The following LDLRAP1 variants were observed in gnomAD, a reference collection of about 807,000 sequenced individuals.
The protein encoded by LDLRAP1 is low density lipoprotein receptor adapter protein 1.
LDLRAP1 carries 30 observed loss-of-function variants against 37.8 expected under a neutral mutation model. That is an observed-to-expected ratio of 0.79 (90% CI 0.59 to 1.08). The LOEUF (loss-of-function observed/expected upper bound fraction) is 1.08, where lower values mean the gene tolerates loss of function less well. LDLRAP1 is among the 50% of genes least tolerant of loss of function. LDLRAP1 has a pLI of 0.00. For synonymous variants in LDLRAP1, 156 were observed against 169.8 expected (o/e 0.92, Z 0.63); for missense variants, 375 against 401.6 (o/e 0.93, Z 0.57).
the LDLRAP1 span, among the ~76,000 whole-genome samples, chr1:25,574,171 T>A: frequency 2.0e-5 from 3 of 152,106 alleles, no homozygotes; most frequent in Non-Finnish European, 2.9e-5. Flanking sequence ...CAGTTTGGAA[T>A]GTGCCAAGGG....
chr1:25,578,765 A>G, the LDLRAP1 span, among the ~76,000 whole-genome samples: 1 of 152,038 alleles, frequency 6.6e-6, no homozygotes, highest in African/African-American at 2.4e-5. Flanking sequence ...CAATCCATCC[A>G]CCTTGGCCTC....
chr1:25,557,278 A>AG lies in LDLRAP1; in HGVS notation c.459+14dup. 1 of 989,126 alleles carries AG rather than the reference A, an allele frequency of 1.0e-6. No homozygotes were observed. Among genetic ancestry groups the AG allele is most frequent in the Non-Finnish European group, 1.5e-6 (1 of 654,826 alleles). 61.3% of individuals were successfully genotyped at this position (989,126 alleles called of 1,614,324 possible). ...ACCAAGCGGAAGATGGTCAGCGGGGAGGGCTGGGGCGGGGACAGGGTCCAG... is the reference window on the plus strand; with the variant it reads ...ACCAAGCGGAAGATGGTCAGCGGGGAGGGGCTGGGGCGGGGACAGGGTCCAG... On this transcript the variant is annotated intron_variant, in intron 4 of 8. Coordinates refer to ENST00000374338, the MANE Select transcript of LDLRAP1 (RefSeq NM_015627.3).
Position 25,554,995 on chromosome 1 carries a change from C to T in LDLRAP1, c.344+23C>T. ...CAGGTACGCTCAGCATGGGGTTGGC[C>T]CATCCACTCTGCCACTTGGGGCAGT... On this transcript the variant is annotated intron_variant, in intron 3 of 8. Transcript: ENST00000374338. This position sits in a 1 kb window ranked among gnomAD's most constrained non-coding sequence, Gnocchi z 5.4. The T allele has an allele frequency of 6.4e-7, 1 of 1,569,772 alleles. No individual in the cohort carries two copies. The highest frequency in any genetic ancestry group is 8.8e-7 in the Non-Finnish European group (1 of 1,140,236).
chr1:25,566,967 A>G lies in LDLRAP1; in HGVS notation c.902A>G (p.Glu301Gly). The change falls in exon 9 of 9, where the codon GAG becomes GGG. Residue 301 changes from glutamate (E) to glycine (G), a missense_variant. Coordinates refer to ENST00000374338, the MANE Select transcript of LDLRAP1 (RefSeq NM_015627.3). ...DWDKPDSSGTEQDDLFSF is the reference protein window; with the variant it reads ...DWDKPDSSGTGQDDLFSF ...GACAAGCCTGACAGCAGCGGCACAG[A>G]GCAGGATGACCTCTTCAGCTTCTGA... 1 of 1,613,512 alleles carries G rather than the reference A, an allele frequency of 6.2e-7. No homozygotes were observed. Among genetic ancestry groups the G allele is most frequent in the African/African-American group, 1.3e-5 (1 of 75,056 alleles).
At chr1:25,583,057 G>A in the LDLRAP1 span, among the ~76,000 whole-genome samples, 2 of 151,586 alleles carry the variant, frequency 1.3e-5, no homozygotes, top group Admixed American at 6.6e-5. Flanking sequence ...GGGGGACAGA[G>A]TGAGACTATC....
chr1:25,566,577 T>G (rs1209028245), intron 8 of LDLRAP1, among the ~76,000 whole-genome samples: 1 of 151,878 alleles, frequency 6.6e-6, no homozygotes, highest in Non-Finnish European at 1.5e-5. Flanking sequence ...TTCTCCTCTT[T>G]CCTGGGCATG....
chr1:25,551,789 A>G (rs74060917), intron 1 of LDLRAP1, among the ~76,000 whole-genome samples: 31,901 of 151,680 alleles, frequency 0.21, 8,067 homozygotes, highest in African/African-American at 0.61. Context: ...CAGGGATGAG[A>G]TCTAGGGCTG....
intron 1 of LDLRAP1, among the ~76,000 whole-genome samples, chr1:25,548,080 A>G (rs1003067082): frequency 6.6e-6 from 1 of 152,216 alleles, no homozygotes; most frequent in Non-Finnish European, 1.5e-5. Context: ...TATGGACTGA[A>G]GTCCCAGTGC....
At chr1:25,556,570 C>T (rs74060929) in intron 3 of LDLRAP1, among the ~76,000 whole-genome samples, 8,236 of 152,166 alleles carry the variant, frequency 0.054, 720 homozygotes, top group African/African-American at 0.19. Context: ...GGGCATGGAT[C>T]GGAGGGCAGG....
At chr1:25,550,337 T>C (rs2044044348) in intron 1 of LDLRAP1, among the ~76,000 whole-genome samples, 1 of 152,116 alleles carries the variant, frequency 6.6e-6, no homozygotes, top group African/African-American at 2.4e-5. Flanking sequence ...ACATGAAGCA[T>C]TGGAGCTGAT....
intron 4 of LDLRAP1, among the ~76,000 whole-genome samples, chr1:25,558,822 C>G (rs983354107): frequency 6.6e-6 from 1 of 152,178 alleles, no homozygotes; most frequent in African/African-American, 2.4e-5. Context: ...TCACGGGTCT[C>G]AGGGATTAGG....
chr1:25,557,436 G>T, intron 4 of LDLRAP1, 169 bp downstream of exon 4: 1 of 620,888 alleles, frequency 1.6e-6, no homozygotes, highest in South Asian at 1.9e-5. Flanking sequence ...GGGGTACAGT[G>T]GTGGGGCTGC....
At chr1:25,584,329 C>G in the LDLRAP1 span, among the ~76,000 whole-genome samples, 1 of 152,098 alleles carries the variant, frequency 6.6e-6, no homozygotes, top group African/African-American at 2.4e-5. Flanking sequence ...TTGGTTGGGT[C>G]CCAAAAGATG....
At chr1:25,550,362 G>T (rs911016102) in intron 1 of LDLRAP1, among the ~76,000 whole-genome samples, 2 of 152,194 alleles carry the variant, frequency 1.3e-5, no homozygotes, top group African/African-American at 4.8e-5. Flanking sequence ...TAGGATTAAG[G>T]CCTTGCTGTT....
downstream of LDLRAP1, among the ~76,000 whole-genome samples, chr1:25,573,142 G>A (rs1265215937): frequency 1.3e-5 from 2 of 152,124 alleles, no homozygotes; most frequent in Admixed American, 6.5e-5. Flanking sequence ...CTCCCCAGGG[G>A]TAAGGCCCAC....
intron 7 of LDLRAP1, chr1:25,564,337 T>G: frequency 1.1e-5 from 2 of 183,790 alleles, no homozygotes; most frequent in Admixed American, 5.4e-5. Context: ...GTTACAAAAT[T>G]AGTACAGAGA....
Position 25,560,316 on chromosome 1 carries a change from G to A in LDLRAP1, c.460-2328G>A, listed in dbSNP as rs192492465. Among the ~76,000 whole-genome samples, 387 of 152,214 alleles carry A rather than the reference G, an allele frequency of 2.5e-3. 1 individual carries two copies. The highest frequency in any genetic ancestry group is 8.9e-3 in the African/African-American group (369 of 41,522). ...CCCTACTCTTCCTGGCTGGGCTGCC[G>A]GAATGAGTTCATGACCCATTGAGGT... On this transcript the variant is annotated intron_variant, in intron 4 of 8. Transcript: ENST00000374338.
chr1:25,565,135 C>A (rs371181237), intron 7 of LDLRAP1, 38 bp from the exon 8 acceptor site: 3 of 1,612,326 alleles, frequency 1.9e-6, no homozygotes, highest in Admixed American at 1.7e-5. Flanking sequence ...TGGGCTCCCC[C>A]AAACATAGTT....
At chr1:25,584,311 G>T in the LDLRAP1 span, among the ~76,000 whole-genome samples, 7 of 152,106 alleles carry the variant, frequency 4.6e-5, no homozygotes, top group African/African-American at 1.7e-4. Context: ...TGTGTGGTGG[G>T]TGTCTTCTTG....
Sources: allele counts gnomAD v4.1 joint callset (sites outside exome capture counted in the v4.1 genomes callset), GRCh38; gene constraint gnomAD v4.1.1; non-coding constraint Gnocchi (gnomAD v3.1); transcripts MANE v1.5; gene names NCBI Gene and HGNC (gene_info 2026-07-23, HGNC 2026-07-21).